The following FKTN variants were observed in gnomAD, a reference collection of about 807,000 sequenced individuals.
FKTN encodes fukutin.
Under a neutral mutation model 58.6 loss-of-function variants are expected in FKTN, and 47 were observed. That is an observed-to-expected ratio of 0.80 (90% CI 0.63 to 1.02). The LOEUF is 1.02. FKTN is among the 50% of genes least tolerant of loss of function. FKTN has a pLI of 0.00. For missense variants in FKTN, 516 were observed against 537.3 expected (o/e 0.96, Z 0.39); for synonymous variants, 178 against 191.9 (o/e 0.93, Z 0.60).
At chr9:105,608,074 T>A in intron 7 of FKTN, 123 bp downstream of exon 7, 1 of 784,006 alleles carries the variant, frequency 1.3e-6, no homozygotes, top group Non-Finnish European at 2.1e-6. Context: ...TTTTTTGATA[T>A]GTCTCTTTTC....
Position 105,615,343 on chromosome 9 carries a change from A to G in FKTN, c.846A>G (p.Gln282=). ...AFRKSAKELL[Q]LAAKTLNKLG... is the part of the protein sequence containing the mutation. ...GGAAGAGTGCAAAGGAATTACTGCAACTAGCAGCGAAAACATTAAACAAAT... is the reference window on the plus strand; with the variant it reads ...GGAAGAGTGCAAAGGAATTACTGCAGCTAGCAGCGAAAACATTAAACAAAT... The change falls in exon 8 of 11, where the codon CAA becomes CAG. Residue 282 remains glutamine (Q), a synonymous_variant. Transcript: ENST00000357998. 1 of 1,613,818 alleles carries G rather than the reference A, an allele frequency of 6.2e-7. No homozygotes were observed. The highest frequency in any genetic ancestry group is 1.1e-5 in the South Asian group (1 of 91,076).
intron 3 of FKTN, among the ~76,000 whole-genome samples, chr9:105,581,218 G>A (rs1357533046): frequency 6.7e-6 from 1 of 149,760 alleles, no homozygotes; most frequent in Non-Finnish European, 1.5e-5. Flanking sequence ...GAGGAACTGC[G>A]TTCCTTTGTA....
At chr9:105,599,236 T>C (rs1184616308) in intron 4 of FKTN, among the ~76,000 whole-genome samples, 3 of 152,174 alleles carry the variant, frequency 2.0e-5, no homozygotes, top group Non-Finnish European at 4.4e-5. Context: ...ATATTGAAAT[T>C]ATCATAGTTT....
At chr9:105,569,120 C>G (rs1840262682) in intron 1 of FKTN, among the ~76,000 whole-genome samples, 1 of 152,040 alleles carries the variant, frequency 6.6e-6, no homozygotes, top group Non-Finnish European at 1.5e-5. Flanking sequence ...AGGGGGACAT[C>G]ACACACCGGG....
intron 10 of FKTN, among the ~76,000 whole-genome samples, chr9:105,634,415 G>A (rs1833838746): frequency 6.6e-6 from 1 of 152,050 alleles, no homozygotes; most frequent in African/African-American, 2.4e-5. Context: ...ATTACAGGCG[G>A]GAGCCACCAC....
At chr9:105,618,337 A>G (rs773683982) in intron 9 of FKTN, among the ~76,000 whole-genome samples, 1 of 152,162 alleles carries the variant, frequency 6.6e-6, no homozygotes, top group Non-Finnish European at 1.5e-5. Flanking sequence ...TTACTTTTGC[A>G]CCAATAATGA....
chr9:105,628,210 A>T (rs1832966273), intron 10 of FKTN, among the ~76,000 whole-genome samples: 1 of 152,056 alleles, frequency 6.6e-6, no homozygotes, highest in Non-Finnish European at 1.5e-5. Flanking sequence ...TAAAACATTG[A>T]CTTTTCTATG....
At chr9:105,583,042 A>G (rs778276439) in intron 3 of FKTN, among the ~76,000 whole-genome samples, 34 of 152,210 alleles carry the variant, frequency 2.2e-4, no homozygotes, top group Non-Finnish European at 4.6e-4. Context: ...TGGCCAGCAG[A>G]TTCCCAAATA....
chr9:105,636,770 C>G lies in FKTN; in HGVS notation c.*1506C>G. 1 of 1,281,754 alleles carries G rather than the reference C, an allele frequency of 7.8e-7. No individual in the cohort carries two copies. The highest frequency in any genetic ancestry group is 1.0e-6 in the Non-Finnish European group (1 of 973,562). The allele number at this position is 1,281,754 out of a possible 1,614,324, so 79.4% of individuals were successfully genotyped here. ...TGACACCAGAGAACAATAGTAGTCT[C>G]AAGAATGGAAACCTGAATGTCTGAG... On this transcript the variant is annotated 3_prime_UTR_variant, in exon 11 of 11. Coordinates refer to ENST00000357998, the MANE Select transcript of FKTN (RefSeq NM_001079802.2).
intron 1 of FKTN, among the ~76,000 whole-genome samples, chr9:105,567,541 A>G (rs1423736566): frequency 6.6e-6 from 1 of 152,238 alleles, no homozygotes; most frequent in African/African-American, 2.4e-5. Context: ...CCCATTCACA[A>G]TTGCTTCAAA....
chr9:105,577,644 C>T (rs973848832), intron 3 of FKTN, among the ~76,000 whole-genome samples: 9 of 150,300 alleles, frequency 6.0e-5, no homozygotes, highest in East Asian at 1.9e-4. Flanking sequence ...ATTGACTTGG[C>T]GATGCGGGCT....
Position 105,569,437 on chromosome 9 carries a change from CT to C in FKTN, c.-180-4214del, listed in dbSNP as rs1364724113. On this transcript the variant is annotated intron_variant, in intron 1 of 10. Coordinates refer to ENST00000357998, the MANE Select transcript of FKTN (RefSeq NM_001079802.2). ...ATCTACTACTAGTTTTTTTCCAAGC[CT>C]TTTCACATCTTGACACATAGTAAAT... 2.2e-4 allele frequency among the ~76,000 whole-genome samples: 33 copies of C among 152,060 alleles called. 1 individual carries two copies. Among genetic ancestry groups the C allele is most frequent in the Admixed American group, 2.1e-3 (32 of 15,254 alleles).
intron 1 of FKTN, among the ~76,000 whole-genome samples, chr9:105,561,123 G>A (rs1274317109): frequency 6.6e-6 from 1 of 151,742 alleles, no homozygotes. Flanking sequence ...AACAAACTTT[G>A]GGAGCCGGAC....
At chr9:105,574,611 T>C (rs916628083) in intron 2 of FKTN, among the ~76,000 whole-genome samples, 1 of 152,020 alleles carries the variant, frequency 6.6e-6, no homozygotes, top group Non-Finnish European at 1.5e-5. Context: ...CCAGCATCAT[T>C]TGGGAACTTG....
chr9:105,606,595 CCTT>C (rs1182330203), intron 6 of FKTN, among the ~76,000 whole-genome samples: 2 of 151,212 alleles, frequency 1.3e-5, no homozygotes, highest in African/African-American at 2.4e-5. Context: ...ATTAAAAACT[CCTT>C]CTTAGTAACT....
At chr9:105,615,703 A>G (rs1830679656) in intron 8 of FKTN, among the ~76,000 whole-genome samples, 1 of 152,248 alleles carries the variant, frequency 6.6e-6, no homozygotes, top group Non-Finnish European at 1.5e-5. Context: ...TCCATGGACA[A>G]TACATTCCAA....
In FKTN at chr9:105,595,334, C is replaced by CTA. The variant is rs368208713; in HGVS notation, c.106-1259_106-1258dup. 6.1e-3 allele frequency among the ~76,000 whole-genome samples: 936 copies of CTA among 152,198 alleles called. 14 individuals are homozygous for CTA. Among genetic ancestry groups the CTA allele is most frequent in the African/African-American group, 0.021 (877 of 41,530 alleles). Reference sequence around the variant, plus strand: ...GTATGTGAATTATATCTCAATAAAGCTATATAAAAATAACATGCTAGCTCA... The same window carrying CTA: ...GTATGTGAATTATATCTCAATAAAGCTATATATAAAAATAACATGCTAGCTCA... On this transcript the variant is annotated intron_variant, in intron 3 of 10. Coordinates refer to ENST00000357998, the MANE Select transcript of FKTN (RefSeq NM_001079802.2).
chr9:105,636,638 G>A lies in FKTN; in HGVS notation c.*1374G>A. 1 of 1,223,730 alleles carries A rather than the reference G, an allele frequency of 8.2e-7. No homozygotes were observed. The highest frequency in any genetic ancestry group is 1.1e-6 in the Non-Finnish European group (1 of 938,430). 75.8% of individuals were successfully genotyped at this position (1,223,730 alleles called of 1,614,324 possible). A position where few individuals can be genotyped will look rare whatever the true frequency, so the allele number is the denominator to read the frequency against. ...AAGTGAGAGGTAAAGGAAAATGTAG[G>A]CACAATAAGCACTGCTATTTTTCTC... On this transcript the variant is annotated 3_prime_UTR_variant, in exon 11 of 11. Transcript: ENST00000357998.
rs1360121278 is a variant in FKTN, at chr9:105,580,787, A to G, written c.105+5650A>G. Among the ~76,000 whole-genome samples, 99 of 33,674 alleles carry G rather than the reference A, an allele frequency of 2.9e-3. 1 individual carries two copies. Among genetic ancestry groups the G allele is most frequent in the Non-Finnish European group, 4.3e-3 (81 of 18,726 alleles). 22.1% of individuals were successfully genotyped at this position (33,674 alleles called of 152,430 possible). On this transcript the variant is annotated intron_variant, in intron 3 of 10. Coordinates refer to ENST00000357998, the MANE Select transcript of FKTN (RefSeq NM_001079802.2). ...TTTCCAACTTGGTTCCATTCTCCCC[A>G]TCACTTTCAGGTACACCAATCAGAC...
Sources: gnomAD v4.1 joint callset for allele counts (sites outside exome capture counted in the v4.1 genomes callset) on GRCh38, gnomAD v4.1.1 for gene constraint, MANE v1.5 for transcripts, NCBI Gene and HGNC (gene_info 2026-07-23, HGNC 2026-07-21) for gene names.